Variants in ZNF583 observed in about 807,000 individuals in gnomAD.
ZNF583 encodes the protein zinc finger protein L3-5.
In ZNF583, 30 loss-of-function variants were observed where a neutral mutation model predicts 55.3. The ratio of observed to expected loss-of-function variants is 0.54; its 90% CI spans 0.41 to 0.74. The LOEUF (loss-of-function observed/expected upper bound fraction) is 0.74. Among genes scored for constraint, ZNF583 ranks in the 30% least tolerant of loss-of-function variants. The pLI is 0.00. For synonymous variants in ZNF583, 208 were observed against 220.0 expected, an observed-to-expected ratio of 0.95 and a Z score of 0.48; for missense variants, 504 against 664.7, an observed-to-expected ratio of 0.76 and a Z score of 2.66.
chr19:56,406,911 A>G (rs2042162915), intron 1 of ZNF583, 115 bp from the exon 2 acceptor site: 2 of 557,376 alleles, frequency 3.6e-6, no homozygotes, highest in Non-Finnish European at 6.3e-6. Context: ...TGATACCTCT[A>G]ATTTACTCCT....
chr19:56,406,162 A>G (rs1016733341), intron 1 of ZNF583, among the ~76,000 whole-genome samples: 15 of 152,216 alleles, frequency 9.9e-5, no homozygotes, highest in Admixed American at 2.6e-4. Context: ...CCAGGACCAG[A>G]AGTAGGCCGT....
chr19:56,419,354 C>G (rs2042378400), intron 4 of ZNF583, among the ~76,000 whole-genome samples: 1 of 152,028 alleles, frequency 6.6e-6, no homozygotes, highest in Non-Finnish European at 1.5e-5. Flanking sequence ...CGCCACCATG[C>G]CCAGCTAATT....
At chr19:56,414,120 A>G (rs1489071807) in intron 3 of ZNF583, 35 bp downstream of exon 3, 1 of 1,561,184 alleles carries the variant, frequency 6.4e-7, no homozygotes, top group Admixed American at 1.9e-5. Flanking sequence ...GAATCTGTAC[A>G]TGGGACTGAG....
intron 2 of ZNF583, among the ~76,000 whole-genome samples, chr19:56,410,632 G>A (rs2042223652): frequency 6.6e-6 from 1 of 152,154 alleles, no homozygotes; most frequent in African/African-American, 2.4e-5. Context: ...AACATGGGAG[G>A]TGGAGGTTGC....
At chr19:56,414,989 C>T (rs1361184327) in intron 4 of ZNF583, among the ~76,000 whole-genome samples, 1 of 148,892 alleles carries the variant, frequency 6.7e-6, no homozygotes, top group Non-Finnish European at 1.5e-5. Context: ...GCACTCCAGC[C>T]TAGGTAACAA....
Position 56,407,192 on chromosome 19 carries a change from T to G in ZNF583, c.9+69T>G, listed in dbSNP as rs1282410477. The G allele has an allele frequency of 1.9e-6, 3 of 1,578,316 alleles. No individual in the cohort carries two copies. The East Asian group carries it at 6.7e-5, about 35-fold the overall frequency. ...TTTTTAGGTTATACGAACATTTTGTTTTTCTTCCAAAATTCTGCAACCTAA... is the reference window on the plus strand; with the variant it reads ...TTTTTAGGTTATACGAACATTTTGTGTTTCTTCCAAAATTCTGCAACCTAA... On this transcript the variant is annotated intron_variant, in intron 2 of 4. Transcript: ENST00000333201.
intron 4 of ZNF583, chr19:56,421,372 A>T (rs1366083910): frequency 1.5e-6 from 1 of 666,336 alleles, no homozygotes; most frequent in Non-Finnish European, 1.9e-6. Flanking sequence ...CAGTCATTTC[A>T]TATTTCTTTT....
intron 4 of ZNF583, among the ~76,000 whole-genome samples, chr19:56,420,998 CATTTT>C (rs973767637): frequency 2.0e-5 from 3 of 151,788 alleles, no homozygotes; most frequent in Non-Finnish European, 2.9e-5. Flanking sequence ...TTTATAATTC[CATTTT>C]ATTTTATCTG....
chr19:56,408,955 T>C (rs577294957), intron 2 of ZNF583, among the ~76,000 whole-genome samples: 1 of 152,224 alleles, frequency 6.6e-6, no homozygotes, highest in Non-Finnish European at 1.5e-5. Context: ...GTGCTTTTTC[T>C]TGTCTCTGGA....
At chr19:56,408,592 G>A (rs944452421) in intron 2 of ZNF583, among the ~76,000 whole-genome samples, 1 of 152,194 alleles carries the variant, frequency 6.6e-6, no homozygotes, top group Non-Finnish European at 1.5e-5. Context: ...AAGAGGCCAG[G>A]GGAAGAAAGT....
chr19:56,407,395 A>G (rs904824464), intron 2 of ZNF583, among the ~76,000 whole-genome samples: 2 of 152,250 alleles, frequency 1.3e-5, no homozygotes, highest in African/African-American at 4.8e-5. Flanking sequence ...AAATACACTC[A>G]TTGGCATATG....
At chr19:56,408,399 A>G (rs564906258) in intron 2 of ZNF583, among the ~76,000 whole-genome samples, 1 of 152,362 alleles carries the variant, frequency 6.6e-6, no homozygotes, top group African/African-American at 2.4e-5. Context: ...TGTGGCTACA[A>G]AGACTTGTAT....
rs749130822 is a variant in ZNF583, at chr19:56,414,457, T to C, written c.232+17T>C. The C allele has an allele frequency of 5.0e-6, 8 of 1,602,810 alleles. No individual in the cohort carries two copies. Among genetic ancestry groups the C allele is most frequent in the Middle Eastern group, 1.7e-4 (1 of 6,012 alleles). On this transcript the variant is annotated intron_variant, in intron 4 of 4. Transcript: ENST00000333201. ...CATGCCCTGGTGAGTGAGAGAGAAA[T>C]AGGGAGACAGAAGCCATTGCCAGGA...
intron 4 of ZNF583, among the ~76,000 whole-genome samples, chr19:56,418,738 T>C (rs2042367485): frequency 6.6e-6 from 1 of 152,104 alleles, no homozygotes; most frequent in Admixed American, 6.5e-5. Flanking sequence ...CTGATCCTTA[T>C]ACCTTATTTT....
intron 1 of ZNF583, among the ~76,000 whole-genome samples, chr19:56,406,743 G>T (rs1343635972): frequency 2.0e-5 from 3 of 152,090 alleles, no homozygotes; most frequent in African/African-American, 7.2e-5. Context: ...TAGCCAGGAT[G>T]GTCTCGATCT....
In ZNF583 at chr19:56,411,253, T is replaced by C. The variant is rs113939866; in HGVS notation, c.10-2706T>C. 2.4e-3 allele frequency among the ~76,000 whole-genome samples: 359 copies of C among 152,166 alleles called. 1 individual carries two copies. Among genetic ancestry groups the C allele is most frequent in the African/African-American group, 8.4e-3 (347 of 41,500 alleles). On this transcript the variant is annotated intron_variant, in intron 2 of 4. Transcript: ENST00000333201. ...CTGCAATCAGCCATGATTGTGACACTGTACTCCAGCCTTGGCGACAGAGCA... is the reference window on the plus strand; with the variant it reads ...CTGCAATCAGCCATGATTGTGACACCGTACTCCAGCCTTGGCGACAGAGCA...
chr19:56,414,418 G>A lies in ZNF583; in HGVS notation c.210G>A (p.Glu70=), dbSNP rs1439500614. The A allele has an allele frequency of 6.2e-7, 1 of 1,614,166 alleles. No homozygotes were observed. ...AAGAGCCCTGGATGGTGAAGAAGGA[G>A]GGAACAAGAGGCCCATGCCCTGGTG... The part of the protein sequence containing the change: ...QGKEPWMVKK[E]GTRGPCPDWE... The change falls in exon 4 of 5, where the codon GAG becomes GAA. Residue 70 remains glutamate (E), a synonymous_variant. Transcript: ENST00000333201.
chr19:56,423,517 C>CAG lies in ZNF583; in HGVS notation c.864_865dup (p.Val289GlufsTer24). On this transcript the variant is annotated frameshift_variant, in exon 5 of 5. Coordinates refer to ENST00000333201, the MANE Select transcript of ZNF583 (RefSeq NM_152478.3). LOFTEE classifies it high-confidence loss of function. Reference sequence around the variant, plus strand: ...CCAGAATGCACACCTGGCCCAACATCAGAGAGTTCATACTGGAGAGAAACC... The same window carrying CAG: ...CCAGAATGCACACCTGGCCCAACATCAGAGAGAGTTCATACTGGAGAGAAACC... 6.2e-7 allele frequency: 1 copy of CAG among 1,613,778 alleles called. No homozygotes were observed. The highest frequency in any genetic ancestry group is 8.5e-7 in the Non-Finnish European group (1 of 1,179,918).
At chr19:56,410,257 C>T (rs1333919247) in intron 2 of ZNF583, among the ~76,000 whole-genome samples, 7 of 152,200 alleles carry the variant, frequency 4.6e-5, no homozygotes, top group East Asian at 3.9e-4. Flanking sequence ...ACAATTTGAC[C>T]GTATCGTTGC....
Sources: gnomAD v4.1 joint callset for allele counts (sites outside exome capture counted in the v4.1 genomes callset) on GRCh38, gnomAD v4.1.1 for gene constraint, MANE v1.5 for transcripts, NCBI Gene and HGNC (gene_info 2026-07-23, HGNC 2026-07-21) for gene names.